Variants in CRACD observed in about 807,000 individuals in gnomAD.
CRACD encodes capping protein-inhibiting regulator of actin dynamics.
A neutral mutation model predicts 106.8 loss-of-function variants in CRACD; 56 were observed. That is an observed-to-expected ratio of 0.52 (90% CI 0.42 to 0.66). The LOEUF is 0.66. Among genes scored for constraint, CRACD ranks in the 30% least tolerant of loss-of-function variants. The pLI is 0.00. For missense variants in CRACD, 1,730 were observed against 1,623.2 expected (o/e 1.07, Z -1.13); for synonymous variants, 754 against 670.8 (o/e 1.12, Z -1.92).
chr4:56,285,042 G>C (rs1189056179), intron 3 of CRACD, among the ~76,000 whole-genome samples: 1 of 152,176 alleles, frequency 6.6e-6, no homozygotes, highest in Non-Finnish European at 1.5e-5. Context: ...TGGTTGGGAG[G>C]CCTCAGGAAA....
chr4:56,272,266 G>A (rs1228151375), intron 2 of CRACD, 55 bp from the exon 3 acceptor site: 1 of 153,586 alleles, frequency 6.5e-6, no homozygotes, highest in African/African-American at 2.4e-5. Flanking sequence ...TGCTCCTTAG[G>A]CTTGGAAGTG....
chr4:56,199,810 C>A (rs925300544), intron 2 of CRACD, among the ~76,000 whole-genome samples: 8 of 151,946 alleles, frequency 5.3e-5, no homozygotes, highest in Admixed American at 5.2e-4. Flanking sequence ...AGTTTCCTTC[C>A]AGAAAGACAT....
intron 1 of CRACD, among the ~76,000 whole-genome samples, chr4:56,111,826 T>C (rs896496870): frequency 3.3e-5 from 5 of 152,190 alleles, no homozygotes; most frequent in Non-Finnish European, 7.3e-5. Flanking sequence ...CCTGAAAAGT[T>C]TGAAATATTA....
chr4:56,253,374 C>T (rs1282830176), intron 2 of CRACD, among the ~76,000 whole-genome samples: 1 of 152,058 alleles, frequency 6.6e-6, no homozygotes, highest in African/African-American at 2.4e-5. Context: ...AGAAACAGTT[C>T]GTAGAATTTA....
intron 2 of CRACD, among the ~76,000 whole-genome samples, chr4:56,219,396 G>A (rs1738911471): frequency 6.6e-6 from 1 of 152,176 alleles, no homozygotes; most frequent in Non-Finnish European, 1.5e-5. Flanking sequence ...CGCCCAGGCT[G>A]GAGTGCAGTG....
At chr4:56,303,850 C>T (rs954300277) in intron 4 of CRACD, among the ~76,000 whole-genome samples, 6 of 152,218 alleles carry the variant, frequency 3.9e-5, no homozygotes, top group African/African-American at 1.4e-4. Context: ...TTCGTCTGGA[C>T]ATAGAAACTG....
intron 3 of CRACD, among the ~76,000 whole-genome samples, chr4:56,284,599 C>G (rs1348088637): frequency 6.6e-6 from 1 of 152,076 alleles, no homozygotes; most frequent in Non-Finnish European, 1.5e-5. Flanking sequence ...GTGGTGGGTA[C>G]CTGTAATCCC....
Position 56,313,209 on chromosome 4 carries a change from A to C in CRACD, c.367A>C (p.Lys123Gln). 1 of 1,614,026 alleles carries C rather than the reference A, an allele frequency of 6.2e-7. No individual in the cohort carries two copies. Among genetic ancestry groups the C allele is most frequent in the Non-Finnish European group, 8.5e-7 (1 of 1,179,970 alleles). ...SEMEEKVAPVKPSRPKRHFSS... is the reference protein window; with the variant it reads ...SEMEEKVAPVQPSRPKRHFSS... ...ATCTCCCCTACAGGTTGCTCCCGTTAAACCGTCTCGGCCAAAAAGGCACTT... is the reference window on the plus strand; with the variant it reads ...ATCTCCCCTACAGGTTGCTCCCGTTCAACCGTCTCGGCCAAAAAGGCACTT... The change falls in exon 7 of 11, where the codon AAA becomes CAA. Residue 123 changes from lysine to glutamine, a missense_variant. By Grantham distance (53) the Lys-to-Gln change is moderately conservative (BLOSUM62 1). Around this residue, in one of 5 missense-constraint regions of CRACD, gnomAD observed 1,620 missense variants for 1,481.6 expected, o/e 1.09. Coordinates refer to ENST00000682029, the MANE Select transcript of CRACD (RefSeq NM_001393381.1).
rs1577711530 is a variant in CRACD at position 56,173,842 on chromosome 4, G to T, written c.-335-5442G>T. On this transcript the variant is annotated intron_variant, in intron 1 of 10. Coordinates refer to ENST00000682029, the MANE Select transcript of CRACD (RefSeq NM_001393381.1). ...GTACGTTTTACATTCCTACCAACAG[G>T]GTACAAGAAGGGCTTCAATTTTTCT... Among the ~76,000 whole-genome samples the T allele has an allele frequency of 2.6e-5, 4 of 152,158 alleles. No individual in the cohort carries two copies. The East Asian group carries it at 7.7e-4, about 29-fold the overall frequency.
chr4:56,175,815 T>C (rs1179369676), intron 1 of CRACD, among the ~76,000 whole-genome samples: 1 of 152,260 alleles, frequency 6.6e-6, no homozygotes. Flanking sequence ...ATTTTTGCTT[T>C]GGTTGCCTGT....
At chr4:56,072,199 A>G (rs1238243709) in intron 1 of CRACD, among the ~76,000 whole-genome samples, 1 of 151,696 alleles carries the variant, frequency 6.6e-6, no homozygotes, top group East Asian at 1.9e-4. Flanking sequence ...ACTCTAGCTA[A>G]TCTAGTATAA....
At chr4:56,078,903 C>T (rs1732931237) in intron 1 of CRACD, among the ~76,000 whole-genome samples, 1 of 152,124 alleles carries the variant, frequency 6.6e-6, no homozygotes, top group Non-Finnish European at 1.5e-5. Flanking sequence ...GTGTGTTCAA[C>T]CAAGAAGGCT....
chr4:56,071,031 A>G (rs955754141), intron 1 of CRACD, among the ~76,000 whole-genome samples: 3 of 152,184 alleles, frequency 2.0e-5, no homozygotes, highest in Non-Finnish European at 4.4e-5. Flanking sequence ...TTTTGCCATC[A>G]TTGACTACCT....
chr4:56,148,746 G>T (rs1420393032), intron 1 of CRACD, among the ~76,000 whole-genome samples: 1 of 151,178 alleles, frequency 6.6e-6, no homozygotes, highest in Non-Finnish European at 1.5e-5. Flanking sequence ...ACTACCTTCT[G>T]CTGAATTGAT....
At chr4:56,074,188 G>A (rs1560443108) in intron 1 of CRACD, among the ~76,000 whole-genome samples, 2 of 152,106 alleles carry the variant, frequency 1.3e-5, no homozygotes, top group Non-Finnish European at 2.9e-5. Context: ...GGTTCCATAT[G>A]GAATTTAAAG....
chr4:56,237,721 TACACAC>T (rs36207795), intron 2 of CRACD, among the ~76,000 whole-genome samples: 49,746 of 144,222 alleles, frequency 0.34, 8,960 homozygotes, highest in East Asian at 0.7. Context: ...AGATATTACA[TACACAC>T]ACACACACAC....
At chr4:56,191,725 G>A (rs1397036359) in intron 2 of CRACD, among the ~76,000 whole-genome samples, 2 of 152,166 alleles carry the variant, frequency 1.3e-5, no homozygotes, top group African/African-American at 2.4e-5. Flanking sequence ...TGTGTGGAAC[G>A]CCCAACCACC....
At chr4:56,296,147 T>C (rs1744015598) in intron 3 of CRACD, among the ~76,000 whole-genome samples, 1 of 152,192 alleles carries the variant, frequency 6.6e-6, no homozygotes, top group Non-Finnish European at 1.5e-5. Context: ...TATGACCTTC[T>C]ACCACTTTAA....
chr4:56,323,456 G>A lies in CRACD; in HGVS notation c.3267G>A (p.Trp1089Ter). 6.2e-7 allele frequency: 1 copy of A among 1,612,126 alleles called. No homozygotes were observed. Among genetic ancestry groups the A allele is most frequent in the East Asian group, 2.2e-5 (1 of 44,722 alleles). Residue 1089 changes from tryptophan to a stop codon, truncating the protein, a stop_gained, in exon 9 of 11, where the codon TGG becomes TGA. Transcript: ENST00000682029. LOFTEE classifies it high-confidence loss of function. Reference sequence around the variant, plus strand: ...AAGTGGAAACTGCTCAGCCGCTGTGGATAACGTTAGCACTGCAAAAGCAAA... The same window carrying A: ...AAGTGGAAACTGCTCAGCCGCTGTGAATAACGTTAGCACTGCAAAAGCAAA... Reference protein sequence around the residue: ...TEKVETAQPLWITLALQKQKG... With the variant: ...TEKVETAQPL
Sources: allele counts gnomAD v4.1 joint callset (sites outside exome capture counted in the v4.1 genomes callset), GRCh38; gene constraint gnomAD v4.1.1; regional missense constraint gnomAD v4.1.1; transcripts MANE v1.5; gene names NCBI Gene and HGNC (gene_info 2026-07-23, HGNC 2026-07-21).